The following ZFAND3 variants were observed in gnomAD, a reference collection of about 807,000 sequenced individuals.
ZFAND3 encodes zinc finger AN1-type containing 3.
A neutral mutation model predicts 29.6 loss-of-function variants in ZFAND3; 10 were observed. The ratio of observed to expected loss-of-function variants is 0.34; its 90% CI spans 0.21 to 0.57. The LOEUF (loss-of-function observed/expected upper bound fraction) is 0.57, where lower values mean the gene tolerates loss of function less well. Ranked by LOEUF, ZFAND3 falls within the 20% of genes least tolerant of loss-of-function variation. The pLI is 0.86. For synonymous variants in ZFAND3, 128 were observed against 112.6 expected (o/e 1.14, Z -0.87); for missense variants, 230 against 304.5 (o/e 0.76, Z 1.82).
Position 38,004,650 on chromosome 6 carries a change from A to G in ZFAND3, c.113-56943A>G, listed in dbSNP as rs1581831818. Among the ~76,000 whole-genome samples, 3 of 152,230 alleles carry G rather than the reference A, an allele frequency of 2.0e-5. No homozygotes were observed. The South Asian group carries it at 6.2e-4, about 31-fold the overall frequency. ...TTGATCCTATATTTTCTAAATTTTC[A>G]ATAATAGAATATGCAGAATATAAGT... is the stretch of plus-strand genomic sequence containing the variant. On this transcript the variant is annotated intron_variant, in intron 2 of 5. Coordinates refer to ENST00000287218, the MANE Select transcript of ZFAND3 (RefSeq NM_021943.3).
At chr6:37,935,606 A>G (rs1322627795) in intron 2 of ZFAND3, among the ~76,000 whole-genome samples, 1 of 152,200 alleles carries the variant, frequency 6.6e-6, no homozygotes, top group Non-Finnish European at 1.5e-5. Context: ...TGCACATAGT[A>G]AAGTTATTTT....
chr6:38,071,435 A>T, intron 3 of ZFAND3, among the ~76,000 whole-genome samples: 1 of 151,976 alleles, frequency 6.6e-6, no homozygotes, highest in East Asian at 1.9e-4. Context: ...TCCCAAGTGG[A>T]TAACCAGTTA....
chr6:38,014,451 C>T (rs917792632), intron 2 of ZFAND3, among the ~76,000 whole-genome samples: 3 of 151,970 alleles, frequency 2.0e-5, no homozygotes, highest in Admixed American at 6.6e-5. Flanking sequence ...CTCAGCCTCC[C>T]GAGTAGCTGG....
chr6:37,960,803 G>T (rs933841409), intron 2 of ZFAND3, among the ~76,000 whole-genome samples: 2 of 152,036 alleles, frequency 1.3e-5, no homozygotes, highest in African/African-American at 2.4e-5. Context: ...AAATTGACTG[G>T]TTTTGGTGGC....
At chr6:37,993,877 A>G (rs567166896) in intron 2 of ZFAND3, among the ~76,000 whole-genome samples, 2 of 152,200 alleles carry the variant, frequency 1.3e-5, no homozygotes, top group Non-Finnish European at 2.9e-5. Flanking sequence ...TTTATTTAGC[A>G]TGTAACTCTA....
chr6:37,836,077 G>A lies in ZFAND3; in HGVS notation c.71+16061G>A, dbSNP rs374872706. ...CTTTATCATTTAGGGTGACATGAGT[G>A]TGTATTGTCATAACTGAAGCCAAGG... On this transcript the variant is annotated intron_variant, in intron 1 of 5. Coordinates refer to ENST00000287218, the MANE Select transcript of ZFAND3 (RefSeq NM_021943.3). Among the ~76,000 whole-genome samples, 24 of 152,290 alleles carry A rather than the reference G, an allele frequency of 1.6e-4. No homozygotes were observed. The East Asian group carries it at 4.4e-3, about 28-fold the overall frequency.
intron 5 of ZFAND3, among the ~76,000 whole-genome samples, chr6:38,126,488 T>A (rs943593989): frequency 6.6e-6 from 1 of 152,244 alleles, no homozygotes; most frequent in Non-Finnish European, 1.5e-5. Flanking sequence ...TTTTCCAAGC[T>A]TATATCATTT....
intron 3 of ZFAND3, among the ~76,000 whole-genome samples, chr6:38,076,448 A>G (rs1561990496): frequency 6.6e-6 from 1 of 152,218 alleles, no homozygotes; most frequent in East Asian, 1.9e-4. Context: ...TGGAGTGGTA[A>G]TACGATTTTG....
intron 2 of ZFAND3, among the ~76,000 whole-genome samples, chr6:38,012,104 G>A (rs913318778): frequency 6.6e-6 from 1 of 152,110 alleles, no homozygotes; most frequent in Non-Finnish European, 1.5e-5. Flanking sequence ...ATGGGGTGTG[G>A]CAGGCAGTAG....
intron 3 of ZFAND3, among the ~76,000 whole-genome samples, chr6:38,064,312 A>G (rs1764300512): frequency 1.3e-5 from 2 of 152,244 alleles, no homozygotes; most frequent in South Asian, 4.1e-4. Context: ...AGCACTTTGT[A>G]TATGAGACAT....
At chr6:38,003,714 C>G in intron 2 of ZFAND3, 1 of 363,934 alleles carries the variant, frequency 2.7e-6, no homozygotes, top group East Asian at 1.1e-4. Context: ...CCATGTTGAC[C>G]AGGCTGGCCT....
At chr6:37,867,079 T>C (rs1048200585) in intron 1 of ZFAND3, among the ~76,000 whole-genome samples, 7 of 152,168 alleles carry the variant, frequency 4.6e-5, no homozygotes, top group Non-Finnish European at 1.0e-4. Flanking sequence ...TGCATAGTAA[T>C]GATTGGCCTA....
At chr6:38,122,790 A>G (rs867904121) in intron 5 of ZFAND3, among the ~76,000 whole-genome samples, 4 of 152,246 alleles carry the variant, frequency 2.6e-5, no homozygotes, top group Non-Finnish European at 5.9e-5. Context: ...GTATAAGCCT[A>G]TGTTATAGTG....
chr6:37,909,248 G>A (rs746809237), intron 1 of ZFAND3, among the ~76,000 whole-genome samples: 4 of 151,456 alleles, frequency 2.6e-5, no homozygotes, highest in Non-Finnish European at 5.9e-5. Flanking sequence ...ATGTTCACCT[G>A]ACAAAACGAG....
chr6:38,109,385 G>C (rs1267558456), intron 4 of ZFAND3, among the ~76,000 whole-genome samples: 1 of 152,004 alleles, frequency 6.6e-6, no homozygotes, highest in Non-Finnish European at 1.5e-5. Context: ...TCACCATGTT[G>C]GTTGGCCAGG....
chr6:38,070,396 A>G (rs952037224), intron 3 of ZFAND3, among the ~76,000 whole-genome samples: 1 of 150,704 alleles, frequency 6.6e-6, no homozygotes. Context: ...CCTGGGCAAC[A>G]AGAATGAAAC....
chr6:38,017,355 C>T (rs559947080), intron 2 of ZFAND3, among the ~76,000 whole-genome samples: 48 of 152,316 alleles, frequency 3.2e-4, no homozygotes, highest in African/African-American at 1.2e-3. Context: ...TTTGGCGTTA[C>T]AGTTAGAAGC....
intron 2 of ZFAND3, among the ~76,000 whole-genome samples, chr6:37,944,896 G>GTTTTTT (rs1761873889): frequency 6.6e-6 from 1 of 152,168 alleles, no homozygotes; most frequent in Non-Finnish European, 1.5e-5. Context: ...CTCAAGAAAG[G>GTTTTTT]GGAGTGCGAG....
chr6:38,020,930 A>G (rs779260659), intron 2 of ZFAND3, among the ~76,000 whole-genome samples: 54 of 152,064 alleles, frequency 3.6e-4, no homozygotes, highest in Admixed American at 4.6e-4. Flanking sequence ...AAGGAGTTAC[A>G]TAGAGCTGGC....
Sources: allele counts gnomAD v4.1 joint callset (sites outside exome capture counted in the v4.1 genomes callset), GRCh38; gene constraint gnomAD v4.1.1; transcripts MANE v1.5; gene names NCBI Gene and HGNC (gene_info 2026-07-23, HGNC 2026-07-21).